The following QTMAN variants were observed in gnomAD, a reference collection of about 807,000 sequenced individuals.
QTMAN encodes tRNA-queuosine alpha-mannosyltransferase.
the QTMAN span, chr2:144,145,453 C>G: frequency 1.6e-6 from 1 of 607,814 alleles, no homozygotes; most frequent in Non-Finnish European, 2.9e-6. Context: ...AATATTTGCA[C>G]CTACCTTATG....
chr2:144,217,823 C>A, the QTMAN span, among the ~76,000 whole-genome samples: 8 of 152,184 alleles, frequency 5.3e-5, no homozygotes, highest in African/African-American at 1.9e-4. Context: ...AGCCACGTAG[C>A]CGCATTCAGT....
chr2:143,940,230 T>G, the QTMAN span: 1 of 152,344 alleles, frequency 6.6e-6, no homozygotes, highest in East Asian at 1.9e-4. Context: ...TTGACTACGA[T>G]TCTTAAGTTA....
At chr2:144,003,461 T>C in the QTMAN span, among the ~76,000 whole-genome samples, 3 of 152,004 alleles carry the variant, frequency 2.0e-5, no homozygotes, top group African/African-American at 7.2e-5. Flanking sequence ...CAGCCTGTTT[T>C]TTACAGGTCT....
chr2:143,957,525 CT>C, the QTMAN span, among the ~76,000 whole-genome samples: 1 of 152,146 alleles, frequency 6.6e-6, no homozygotes, highest in South Asian at 2.1e-4. Flanking sequence ...CCAAAAAAAG[CT>C]GACAAAAGCA....
chr2:144,143,533 A>G, the QTMAN span, among the ~76,000 whole-genome samples: 4,961 of 152,046 alleles, frequency 0.033, 193 homozygotes, highest in East Asian at 0.18. Context: ...CCTTGAAAAA[A>G]ACTGATTTTC....
the QTMAN span, among the ~76,000 whole-genome samples, chr2:144,159,848 TTAAG>T: frequency 6.6e-6 from 1 of 152,166 alleles, no homozygotes; most frequent in Admixed American, 6.5e-5. Flanking sequence ...CAAATGCAGA[TTAAG>T]TATATATTGT....
chr2:144,098,692 G>A, the QTMAN span, among the ~76,000 whole-genome samples: 2 of 151,244 alleles, frequency 1.3e-5, no homozygotes, highest in African/African-American at 2.4e-5. Context: ...TCCAGCCTGG[G>A]CAACAGAGCA....
the QTMAN span, among the ~76,000 whole-genome samples, chr2:143,991,068 A>T: frequency 6.6e-6 from 1 of 152,158 alleles, no homozygotes; most frequent in Non-Finnish European, 1.5e-5. Flanking sequence ...TCCAGAATCC[A>T]GAATATATTA....
chr2:144,041,053 T>C, the QTMAN span, among the ~76,000 whole-genome samples: 1 of 152,240 alleles, frequency 6.6e-6, no homozygotes, highest in African/African-American at 2.4e-5. Context: ...TCACTCACTA[T>C]GTCTTTAAGG....
At chr2:144,095,129 T>C in the QTMAN span, among the ~76,000 whole-genome samples, 1 of 152,196 alleles carries the variant, frequency 6.6e-6, no homozygotes, top group Admixed American at 6.5e-5. Flanking sequence ...TATCCTTCCC[T>C]ATCTAGCTTT....
At chr2:144,062,400 G>T in the QTMAN span, among the ~76,000 whole-genome samples, 6 of 152,198 alleles carry the variant, frequency 3.9e-5, no homozygotes, top group Non-Finnish European at 7.3e-5. Flanking sequence ...TTAAGTAGTT[G>T]CCCTAGGTCT....
chr2:144,214,636 A>G, the QTMAN span, among the ~76,000 whole-genome samples: 7 of 152,202 alleles, frequency 4.6e-5, no homozygotes, highest in Admixed American at 3.9e-4. Flanking sequence ...GTGGTAAGCT[A>G]ATAATGTATA....
the QTMAN span, chr2:144,211,267 T>A: frequency 6.6e-6 from 1 of 152,544 alleles, no homozygotes; most frequent in Non-Finnish European, 1.5e-5. Flanking sequence ...AAAAAAAGAT[T>A]ATAGCTATAG....
the QTMAN span, among the ~76,000 whole-genome samples, chr2:144,030,200 C>T: frequency 6.6e-6 from 1 of 152,160 alleles, no homozygotes; most frequent in Admixed American, 6.5e-5. Flanking sequence ...AATTACTCTT[C>T]TCTCCTAATT....
chr2:143,947,163 A>T, the QTMAN span: 1 of 1,520,366 alleles, frequency 6.6e-7, no homozygotes, highest in Non-Finnish European at 9.1e-7. Flanking sequence ...GAGAGAAGAG[A>T]AAGAAGTGAA....
chr2:144,095,875 C>T, the QTMAN span, among the ~76,000 whole-genome samples: 2 of 152,134 alleles, frequency 1.3e-5, no homozygotes, highest in Non-Finnish European at 1.5e-5. Flanking sequence ...TATTTTTAAA[C>T]CAATCTCCAA....
At chr2:143,946,912 CTG>C in the QTMAN span, 1 of 615,332 alleles carries the variant, frequency 1.6e-6, no homozygotes, top group Non-Finnish European at 2.9e-6. Flanking sequence ...GCAGATGGCT[CTG>C]TGTCAGCTAT....
the QTMAN span, among the ~76,000 whole-genome samples, chr2:144,016,556 G>A: frequency 2.4e-4 from 37 of 152,076 alleles, 1 homozygote; most frequent in African/African-American, 4.8e-5. Context: ...GGAATTAAAT[G>A]TCTCCTATAG....
chr2:144,106,032 A>G, the QTMAN span, among the ~76,000 whole-genome samples: 848 of 152,286 alleles, frequency 5.6e-3, 3 homozygotes, highest in Non-Finnish European at 9.3e-3. Context: ...GAGAAATAAA[A>G]TCCTTTACAG....
Sources: gnomAD v4.1 joint callset for allele counts (sites outside exome capture counted in the v4.1 genomes callset) on GRCh38, gnomAD v4.1.1 for gene constraint, MANE v1.5 for transcripts, NCBI Gene and HGNC (gene_info 2026-07-23, HGNC 2026-07-21) for gene names.